The following TRPM6 variants were observed in gnomAD, a reference collection of about 807,000 sequenced individuals.
TRPM6 encodes channel kinase 2.
Under a neutral mutation model 247.6 loss-of-function variants are expected in TRPM6, and 111 were observed. That is an observed-to-expected ratio of 0.45 (90% CI 0.38 to 0.52). The LOEUF is 0.52. Among genes scored for constraint, TRPM6 ranks in the 20% least tolerant of loss-of-function variants. TRPM6 has a pLI of 0.00. For missense variants in TRPM6, 2,126 were observed against 2,421.5 expected, an observed-to-expected ratio of 0.88 and a Z score of 2.56; for synonymous variants, 892 against 853.8, an observed-to-expected ratio of 1.04 and a Z score of -0.78.
intron 5 of TRPM6, among the ~76,000 whole-genome samples, chr9:74,835,384 T>A (rs938433194): frequency 7.2e-5 from 11 of 152,130 alleles, no homozygotes; most frequent in Non-Finnish European, 2.9e-5. Context: ...TTATGAATGT[T>A]TTTTTTATGC....
intron 3 of TRPM6, among the ~76,000 whole-genome samples, chr9:74,843,025 CA>C (rs1302176881): frequency 1.3e-5 from 2 of 152,226 alleles, no homozygotes; most frequent in Non-Finnish European, 2.9e-5. Context: ...GAACTACTTT[CA>C]AAACTGGAGT....
chr9:74,851,295 C>T (rs1043044444), intron 3 of TRPM6, among the ~76,000 whole-genome samples: 5 of 151,804 alleles, frequency 3.3e-5, no homozygotes, highest in African/African-American at 1.2e-4. Context: ...AAAAAAATGT[C>T]AATTCCCTCT....
rs1432308759 is a variant in TRPM6, at chr9:74,768,678, A to T, written c.3536+3025T>A. Among the ~76,000 whole-genome samples the T allele has an allele frequency of 3.3e-5, 5 of 152,052 alleles. 1 individual carries two copies. The South Asian group carries it at 1.0e-3, about 32-fold the overall frequency. Reference sequence around the variant, plus strand: ...ATGAATTGTTCTTTCTAAATGTCATATTCACCCCTTCTTTTCAATCCCACC... The same window carrying T: ...ATGAATTGTTCTTTCTAAATGTCATTTTCACCCCTTCTTTTCAATCCCACC... On this transcript the variant is annotated intron_variant, in intron 25 of 38. Coordinates refer to ENST00000360774, the MANE Select transcript of TRPM6 (RefSeq NM_017662.5).
At chr9:74,798,236 T>A (rs1481630188) in intron 17 of TRPM6, among the ~76,000 whole-genome samples, 1 of 151,600 alleles carries the variant, frequency 6.6e-6, no homozygotes, top group Non-Finnish European at 1.5e-5. Flanking sequence ...TTAAGTATGG[T>A]AAACCGAAGT....
At chr9:74,876,319 C>T (rs1013255876) in intron 1 of TRPM6, among the ~76,000 whole-genome samples, 12 of 152,130 alleles carry the variant, frequency 7.9e-5, no homozygotes, top group African/African-American at 2.9e-4. Context: ...CCTGACCTCA[C>T]GTGATCCACC....
chr9:74,818,835 C>T (rs1829041669), intron 9 of TRPM6, among the ~76,000 whole-genome samples: 1 of 151,402 alleles, frequency 6.6e-6, no homozygotes, highest in African/African-American at 2.4e-5. Flanking sequence ...TTTCGTCATG[C>T]TTCCTCTAGC....
chr9:74,821,366 G>A, intron 8 of TRPM6, among the ~76,000 whole-genome samples: 1 of 152,062 alleles, frequency 6.6e-6, no homozygotes, highest in Non-Finnish European at 1.5e-5. Context: ...CCTTACGGCT[G>A]TAATGGCCAA....
chr9:74,747,697 C>A (rs76692977), intron 31 of TRPM6, among the ~76,000 whole-genome samples, 192 bp downstream of exon 31: 1 of 152,084 alleles, frequency 6.6e-6, no homozygotes, highest in East Asian at 1.9e-4. Context: ...AAGTTTTAAA[C>A]CAGACATCAA....
chr9:74,817,100 A>G (rs780870786), intron 9 of TRPM6, 136 bp from the exon 10 acceptor site: 26 of 872,254 alleles, frequency 3.0e-5, no homozygotes, highest in Non-Finnish European at 4.8e-5. Flanking sequence ...TTTTACTTAC[A>G]GGAGAGAAAA....
intron 36 of TRPM6, among the ~76,000 whole-genome samples, chr9:74,734,661 G>C (rs932912589): frequency 1.3e-5 from 2 of 152,098 alleles, no homozygotes; most frequent in African/African-American, 4.8e-5. Flanking sequence ...TCAGTTACTT[G>C]TATTATTTTT....
intron 36 of TRPM6, 68 bp from the exon 37 acceptor site, chr9:74,732,804 ATAAT>A: frequency 1.7e-6 from 2 of 1,167,072 alleles, no homozygotes; most frequent in Non-Finnish European, 2.5e-6. Context: ...CAAGAAAATA[ATAAT>A]TAAATTCTAA....
chr9:74,883,618 C>T (rs563227099), intron 1 of TRPM6, among the ~76,000 whole-genome samples: 1 of 152,122 alleles, frequency 6.6e-6, no homozygotes, highest in Non-Finnish European at 1.5e-5. Context: ...CAAGAAGGCA[C>T]TAATGTGTAT....
In TRPM6 at chr9:74,792,726, T is replaced by G; in HGVS notation, c.2436A>C (p.Glu812Asp). 1 of 1,613,960 alleles carries G rather than the reference T, an allele frequency of 6.2e-7. No individual in the cohort carries two copies. The highest frequency in any genetic ancestry group is 8.5e-7 in the Non-Finnish European group (1 of 1,179,832). The change falls in exon 19 of 39, where the codon GAA (glutamate) becomes GAC (aspartate). Residue 812 changes from glutamate to aspartate, a missense_variant. Physicochemically the swap from Glu to Asp is conservative, Grantham distance 45 (BLOSUM62 2). Transcript: ENST00000360774. ...CACTTTCCAAACCAAAATGCTGATT[T>G]TCATCCAGTTTCTCATCATGGCCCC... Reference protein sequence around the residue: ...LERGHDEKLDENQHFGLESGH... With the variant: ...LERGHDEKLDDNQHFGLESGH...
At chr9:74,757,695 C>T (rs1256877579) in intron 27 of TRPM6, among the ~76,000 whole-genome samples, 1 of 152,108 alleles carries the variant, frequency 6.6e-6, no homozygotes, top group Non-Finnish European at 1.5e-5. Flanking sequence ...GGTGGGTCAC[C>T]TGAGGTCAGG....
intron 12 of TRPM6, 90 bp downstream of exon 12, chr9:74,812,209 T>G: frequency 1.3e-6 from 2 of 1,551,208 alleles, no homozygotes; most frequent in South Asian, 2.2e-5. Context: ...TTTCCTCAGA[T>G]AAGGAGTTTT....
In TRPM6 at chr9:74,785,553, C is replaced by G. The variant is rs571406384; in HGVS notation, c.2919+321G>C. Among the ~76,000 whole-genome samples, 4 of 151,996 alleles carry G rather than the reference C, an allele frequency of 2.6e-5. No individual in the cohort carries two copies. The South Asian group carries it at 8.3e-4, about 32-fold the overall frequency. On this transcript the variant is annotated intron_variant, in intron 21 of 38. Transcript: ENST00000360774. ...ACCTTTTTTTTTTGAGATGGAGTCT[C>G]GCTCTGTCGCTCAAGCTGGAGTGCA...
At chr9:74,775,847 T>G (rs1355472451) in intron 24 of TRPM6, 36 bp downstream of exon 24, 5 of 1,608,568 alleles carry the variant, frequency 3.1e-6, no homozygotes, top group Non-Finnish European at 4.3e-6. Flanking sequence ...TCCTACTTTT[T>G]GCTCTCTTTC....
At chr9:74,860,731 A>T (rs907530495) in intron 1 of TRPM6, among the ~76,000 whole-genome samples, 1 of 152,150 alleles carries the variant, frequency 6.6e-6, no homozygotes, top group East Asian at 1.9e-4. Context: ...GAAATGACAC[A>T]ATCCGGCTGA....
intron 1 of TRPM6, among the ~76,000 whole-genome samples, chr9:74,880,662 T>G (rs370263295): frequency 6.6e-6 from 1 of 152,166 alleles, no homozygotes; most frequent in East Asian, 1.9e-4. Context: ...TCATCACCAT[T>G]AAACCAGTCC....
Sources: gnomAD v4.1 joint callset for allele counts (sites outside exome capture counted in the v4.1 genomes callset) on GRCh38, gnomAD v4.1.1 for gene constraint, MANE v1.5 for transcripts, NCBI Gene and HGNC (gene_info 2026-07-23, HGNC 2026-07-21) for gene names.